The following SLC2A9 variants were observed in gnomAD, a reference collection of about 807,000 sequenced individuals.
The protein encoded by SLC2A9 is solute carrier family 2 member 9.
SLC2A9 carries 39 observed loss-of-function variants against 50.6 expected under a neutral mutation model. That is an observed-to-expected ratio of 0.77 (90% CI 0.60 to 1.01). The LOEUF (loss-of-function observed/expected upper bound fraction) is 1.01. Ranked by LOEUF, SLC2A9 falls within the 50% of genes least tolerant of loss-of-function variation. The pLI is 0.00. For synonymous variants in SLC2A9, 324 were observed against 276.9 expected (o/e 1.17, Z -1.69); for missense variants, 686 against 677.6 (o/e 1.01, Z -0.14).
chr4:9,953,919 C>A (rs1750746362), intron 5 of SLC2A9, among the ~76,000 whole-genome samples: 2 of 152,226 alleles, frequency 1.3e-5, no homozygotes, highest in African/African-American at 4.8e-5. Flanking sequence ...AAGCAATTCT[C>A]CTGCCTCAGC....
chr4:9,787,873 C>T (rs1463774728), intron 3 of SLC2A9, among the ~76,000 whole-genome samples: 1 of 152,176 alleles, frequency 6.6e-6, no homozygotes, highest in Admixed American at 6.5e-5. Context: ...GTTAATTAGT[C>T]CCATTACTAG....
At chr4:9,988,619 G>T (rs1471177361) in intron 3 of SLC2A9, among the ~76,000 whole-genome samples, 1 of 152,172 alleles carries the variant, frequency 6.6e-6, no homozygotes, top group Non-Finnish European at 1.5e-5. Context: ...ATAAACAAGG[G>T]AGATCAATTC....
chr4:9,874,500 C>T (rs988813890), intron 10 of SLC2A9, among the ~76,000 whole-genome samples: 26 of 152,274 alleles, frequency 1.7e-4, no homozygotes, highest in African/African-American at 4.3e-4. Flanking sequence ...GTTTTGGAAC[C>T]GCGCAGAGGA....
intron 3 of SLC2A9, among the ~76,000 whole-genome samples, chr4:9,818,959 A>G: frequency 6.6e-6 from 1 of 152,010 alleles, no homozygotes. Context: ...CGTCTCTACT[A>G]AAAATACAAA....
intron 9 of SLC2A9, among the ~76,000 whole-genome samples, chr4:9,888,603 T>C (rs1736739695): frequency 6.6e-6 from 1 of 151,740 alleles, no homozygotes; most frequent in Admixed American, 6.6e-5. Context: ...CCACCTGACT[T>C]GAAGGGAAGG....
chr4:9,944,882 G>GA (rs1388149524), intron 5 of SLC2A9, among the ~76,000 whole-genome samples: 7 of 152,190 alleles, frequency 4.6e-5, no homozygotes, highest in Admixed American at 1.3e-4. Context: ...GGTGTGTGTT[G>GA]AATGAAGTGT....
rs535693496 is a variant in SLC2A9, at chr4:9,870,388, C to T, written c.1291+17179G>A. Among the ~76,000 whole-genome samples the T allele has an allele frequency of 2.8e-4, 43 of 152,304 alleles. 1 individual carries two copies. The highest frequency in any genetic ancestry group is 8.4e-4 in the African/African-American group (35 of 41,564). ...GGAAGACAGCTGCTGACAGAAACCA[C>T]GAGAAAGACCTATGAGCCTGACAGG... On this transcript the variant is annotated intron_variant, in intron 10 of 11. Coordinates refer to ENST00000264784, the MANE Select transcript of SLC2A9 (RefSeq NM_020041.3).
At chr4:9,914,004 C>T (rs1263105044) in intron 7 of SLC2A9, among the ~76,000 whole-genome samples, 1 of 152,196 alleles carries the variant, frequency 6.6e-6, no homozygotes, top group Admixed American at 6.5e-5. Flanking sequence ...ATTCCCAGCA[C>T]AGCCCAGTGA....
intron 1 of SLC2A9, chr4:10,035,456 T>C (rs554558833): frequency 9.0e-4 from 137 of 152,364 alleles, no homozygotes; most frequent in Middle Eastern, 3.4e-3. Flanking sequence ...TGAGCCATAA[T>C]TGAACGATTC....
At chr4:9,879,127 A>C (rs1734773817) in intron 10 of SLC2A9, 20 of 877,312 alleles carry the variant, frequency 2.3e-5, no homozygotes, top group Non-Finnish European at 2.6e-5. Context: ...CCCTGATGTT[A>C]GGAGGACTGA....
At chr4:9,786,549 G>C (rs1719246791) in intron 3 of SLC2A9, among the ~76,000 whole-genome samples, 1 of 152,206 alleles carries the variant, frequency 6.6e-6, no homozygotes, top group Admixed American at 6.5e-5. Flanking sequence ...TTTGTGTTTG[G>C]AGGGAAGGCA....
chr4:9,933,869 A>G (rs927359621), intron 6 of SLC2A9, among the ~76,000 whole-genome samples: 2 of 152,040 alleles, frequency 1.3e-5, no homozygotes, highest in Admixed American at 1.3e-4. Flanking sequence ...TCCATCTTCA[A>G]TGCCAGCAAC....
intron 10 of SLC2A9, among the ~76,000 whole-genome samples, chr4:9,877,845 C>A (rs1282981596): frequency 6.6e-6 from 1 of 152,188 alleles, no homozygotes; most frequent in Non-Finnish European, 1.5e-5. Context: ...ACAGCCTTTA[C>A]CCCTTCTGGA....
At chr4:9,987,415 C>T (rs1208151124) in intron 3 of SLC2A9, among the ~76,000 whole-genome samples, 3 of 152,208 alleles carry the variant, frequency 2.0e-5, no homozygotes, top group African/African-American at 4.8e-5. Flanking sequence ...CCACTGCGTC[C>T]GGCCTAGAAA....
intron 7 of SLC2A9, among the ~76,000 whole-genome samples, chr4:9,911,911 C>A (rs558332092): frequency 2.6e-5 from 4 of 152,258 alleles, no homozygotes; most frequent in African/African-American, 7.2e-5. Flanking sequence ...CAATGATAGA[C>A]TGGATGAAGA....
chr4:9,776,621 A>T (rs1717603638), downstream of SLC2A9, among the ~76,000 whole-genome samples: 1 of 152,080 alleles, frequency 6.6e-6, no homozygotes, highest in Non-Finnish European at 1.5e-5. Flanking sequence ...AGTTTTGTGG[A>T]TCTCAGCCTT....
chr4:9,979,602 T>G (rs551953901), intron 5 of SLC2A9, among the ~76,000 whole-genome samples: 1 of 152,152 alleles, frequency 6.6e-6, no homozygotes, highest in Non-Finnish European at 1.5e-5. Flanking sequence ...TCCCTTACCA[T>G]GTGTACCAAT....
At chr4:10,032,569 G>A (rs1330873440) in intron 1 of SLC2A9, among the ~76,000 whole-genome samples, 1 of 152,094 alleles carries the variant, frequency 6.6e-6, no homozygotes, top group Non-Finnish European at 1.5e-5. Flanking sequence ...TGACAAGGTG[G>A]AAGCAGAGAC....
At chr4:10,006,469 C>G (rs766965623) in intron 2 of SLC2A9, 1 of 152,174 alleles carries the variant, frequency 6.6e-6, no homozygotes, top group Non-Finnish European at 1.5e-5. Context: ...ACAGTCTGCA[C>G]CACTGAACAC....
Sources: gnomAD v4.1 joint callset for allele counts (sites outside exome capture counted in the v4.1 genomes callset) on GRCh38, gnomAD v4.1.1 for gene constraint, MANE v1.5 for transcripts, NCBI Gene and HGNC (gene_info 2026-07-23, HGNC 2026-07-21) for gene names.